UBE3B: variants seen among roughly 807,000 people sequenced by gnomAD.
The protein encoded by UBE3B is ubiquitin protein ligase E3B.
A neutral mutation model predicts 132.3 loss-of-function variants in UBE3B; 80 were observed. The observed-to-expected ratio is 0.60, with a 90% CI of 0.50 to 0.73. The LOEUF is 0.73. UBE3B is among the 30% of genes least tolerant of loss of function. The pLI is 0.00. For missense variants in UBE3B, 1,196 were observed against 1,362.5 expected, an observed-to-expected ratio of 0.88 and a Z score of 1.92; for synonymous variants, 487 against 520.4, an observed-to-expected ratio of 0.94 and a Z score of 0.87.
intron 24 of UBE3B, among the ~76,000 whole-genome samples, chr12:109,527,211 T>C (rs900891169): frequency 3.3e-5 from 5 of 152,196 alleles, no homozygotes; most frequent in Non-Finnish European, 7.3e-5. Context: ...CCAGCAACTA[T>C]TGTCACAGAT....
rs138490957 is a variant in UBE3B at position 109,478,551 on chromosome 12, C to T, written c.-128+442C>T. Among the ~76,000 whole-genome samples, 674 of 152,258 alleles carry T rather than the reference C, an allele frequency of 4.4e-3. 7 individuals carry two copies. Among genetic ancestry groups the T allele is most frequent in the Middle Eastern group, 0.014 (4 of 294 alleles). On this transcript the variant is annotated intron_variant, in intron 1 of 27. Coordinates refer to ENST00000342494, the MANE Select transcript of UBE3B (RefSeq NM_130466.4). The stretch of plus-strand genomic sequence containing the variant: ...ATCCTAGCACTTTGGGAGGCCGAGG[C>T]GGGCGGATCACCTGAGGTCAGAAGT...
chr12:109,527,777 C>G (rs868029966), intron 24 of UBE3B, among the ~76,000 whole-genome samples: 1 of 152,204 alleles, frequency 6.6e-6, no homozygotes, highest in African/African-American at 2.4e-5. Context: ...TGCCATGTAA[C>G]CTGTAGCCAT....
chr12:109,497,643 G>A (rs778266973), intron 9 of UBE3B, among the ~76,000 whole-genome samples, 175 bp from the exon 10 acceptor site: 1 of 152,066 alleles, frequency 6.6e-6, no homozygotes, highest in Non-Finnish European at 1.5e-5. Context: ...ATCAGCAACT[G>A]GACCATCACT....
At chr12:109,545,085 C>G in the UBE3B span, among the ~76,000 whole-genome samples, 1 of 152,202 alleles carries the variant, frequency 6.6e-6, no homozygotes, top group Non-Finnish European at 1.5e-5. Flanking sequence ...CTTCCCTGAT[C>G]GTCAGAGGCC....
chr12:109,491,014 A>G, intron 8 of UBE3B, 31 bp from the exon 9 acceptor site: 1 of 1,603,508 alleles, frequency 6.2e-7, no homozygotes. Context: ...AGTTGATATC[A>G]TCCTCTGACC....
chr12:109,490,239 G>A, intron 8 of UBE3B: 1 of 949,772 alleles, frequency 1.1e-6, no homozygotes, highest in South Asian at 1.5e-5. Context: ...TGGCTGCAAG[G>A]GTAATCCAGT....
In UBE3B at chr12:109,490,570, G is replaced by A. The variant is rs1432277913; in HGVS notation, c.631-475G>A. The A allele has an allele frequency of 4.3e-5, 66 of 1,535,914 alleles. No individual in the cohort carries two copies. Among genetic ancestry groups the A allele is most frequent in the Non-Finnish European group, 5.6e-5 (64 of 1,146,854 alleles). ...TGAGGTGGTCCGTTGGCAGAAGCTG[G>A]TATGACTGGCAGTTGTCTCGCTAGA... On this transcript the variant is annotated intron_variant, in intron 8 of 27. Coordinates refer to ENST00000342494, the MANE Select transcript of UBE3B (RefSeq NM_130466.4).
At chr12:109,498,416 C>T (rs1878514401) in intron 11 of UBE3B, 63 bp downstream of exon 11, 1 of 1,566,782 alleles carries the variant, frequency 6.4e-7, no homozygotes, top group Non-Finnish European at 8.7e-7. Context: ...GAGTGTTTTG[C>T]CTGTCACTAT....
the UBE3B span, among the ~76,000 whole-genome samples, chr12:109,547,399 A>G: frequency 1.3e-5 from 2 of 152,380 alleles, no homozygotes; most frequent in East Asian, 1.9e-4. The surrounding 1 kb of genome is among the most constrained non-coding windows in gnomAD (Gnocchi z 4.1). Flanking sequence ...TGCAGGCATC[A>G]TCGAGTTCCA....
intron 7 of UBE3B, among the ~76,000 whole-genome samples, 161 bp downstream of exon 7, chr12:109,488,829 G>A (rs998090564): frequency 3.9e-5 from 6 of 152,162 alleles, no homozygotes; most frequent in South Asian, 2.1e-4. Flanking sequence ...AGACTGCATC[G>A]CAGTATCCAC....
intron 2 of UBE3B, among the ~76,000 whole-genome samples, chr12:109,483,284 T>C (rs1053767881): frequency 6.6e-6 from 1 of 152,188 alleles, no homozygotes; most frequent in Non-Finnish European, 1.5e-5. Context: ...GGTGCTGTGC[T>C]CTTTCCCTTA....
chr12:109,491,721 G>A (rs1303954124), intron 9 of UBE3B: 1 of 152,306 alleles, frequency 6.6e-6, no homozygotes, highest in Non-Finnish European at 1.5e-5. Flanking sequence ...CTAGCTTGGG[G>A]AGATGTTAAT....
downstream of UBE3B, among the ~76,000 whole-genome samples, chr12:109,540,056 T>C (rs1455610858): frequency 6.6e-6 from 1 of 151,300 alleles, no homozygotes; most frequent in Non-Finnish European, 1.5e-5. Context: ...TCTCTGAAGA[T>C]GTGCCCTGCC....
intron 10 of UBE3B, 96 bp downstream of exon 10, chr12:109,498,019 A>G: frequency 7.1e-7 from 1 of 1,409,008 alleles, no homozygotes; most frequent in South Asian, 1.2e-5. Flanking sequence ...GCTTATTTCC[A>G]CACCTCCCTT....
chr12:109,529,849 C>G, intron 24 of UBE3B, 41 bp from the exon 25 acceptor site: 2 of 1,610,848 alleles, frequency 1.2e-6, no homozygotes, highest in Middle Eastern at 1.7e-4. Flanking sequence ...CCTGCCCCGT[C>G]CTGTTAATTG....
rs1244202111 is a variant in UBE3B at position 109,489,905 on chromosome 12, TTTTC to T, written c.545-6_545-3del. 7 of 1,613,520 alleles carry T rather than the reference TTTTC, an allele frequency of 4.3e-6. No individual in the cohort carries two copies. Among genetic ancestry groups the T allele is most frequent in the Non-Finnish European group, 5.9e-6 (7 of 1,179,454 alleles). On this transcript the variant is annotated splice_polypyrimidine_tract_variant and intron_variant, in intron 7 of 27. Coordinates refer to ENST00000342494, the MANE Select transcript of UBE3B (RefSeq NM_130466.4). ...GCAAGAGACTTTTTTGTTCTCACTG[TTTTC>T]TTTCTTTAGGTGAAAGTCTTCGACC...
rs535449420 is a variant in UBE3B at position 109,535,449 on chromosome 12, G to A, written c.*667G>A. On this transcript the variant is annotated 3_prime_UTR_variant, in exon 28 of 28. Transcript: ENST00000342494. ...CCCTCCCATTTTCTGCGTCCTCAGC[G>A]GGCTGAGCTGCCAGAGAGTCTTCCC... The A allele has an allele frequency of 2.6e-5, 4 of 152,454 alleles. No individual in the cohort carries two copies. Among genetic ancestry groups the A allele is most frequent in the South Asian group, 2.1e-4 (1 of 4,830 alleles). The allele number at this position is 152,454 out of a possible 1,614,324, so 9.4% of individuals were successfully genotyped here.
At chr12:109,515,364 TTTG>T (rs748313609) in intron 18 of UBE3B, among the ~76,000 whole-genome samples, 1 of 151,228 alleles carries the variant, frequency 6.6e-6, no homozygotes, top group African/African-American at 2.4e-5. Context: ...TTACTGTTTT[TTTG>T]TTGTTGTTGT....
chr12:109,516,542 G>A (rs368299416), intron 18 of UBE3B, among the ~76,000 whole-genome samples: 5 of 152,034 alleles, frequency 3.3e-5, no homozygotes, highest in African/African-American at 9.7e-5. Context: ...CACTCTTTCC[G>A]GAACGTTTTT....
Sources: gnomAD v4.1 joint callset for allele counts (sites outside exome capture counted in the v4.1 genomes callset) on GRCh38, gnomAD v4.1.1 for gene constraint, Gnocchi (gnomAD v3.1) non-coding constraint, MANE v1.5 for transcripts, NCBI Gene and HGNC (gene_info 2026-07-23, HGNC 2026-07-21) for gene names.